PTPRN2: variants seen among roughly 807,000 people sequenced by gnomAD.
PTPRN2 encodes the protein protein tyrosine phosphatase receptor type N2, also known as receptor-type tyrosine-protein phosphatase N2.
In PTPRN2, 74 loss-of-function variants were observed where a neutral mutation model predicts 118.8. That is an observed-to-expected ratio of 0.62 (90% CI 0.52 to 0.76). The LOEUF (loss-of-function observed/expected upper bound fraction) is 0.76. Ranked by LOEUF, PTPRN2 falls within the 30% of genes least tolerant of loss-of-function variation. The pLI, the probability that PTPRN2 is intolerant of heterozygous loss-of-function variation, is 0.00. For synonymous variants in PTPRN2, 641 were observed against 608.0 expected, an observed-to-expected ratio of 1.05 and a Z score of -0.80; for missense variants, 1,481 against 1,394.4, an observed-to-expected ratio of 1.06 and a Z score of -0.99.
chr7:157,597,484 G>GTTTTT (rs572378771), intron 16 of PTPRN2, among the ~76,000 whole-genome samples: 1 of 145,650 alleles, frequency 6.9e-6, no homozygotes, highest in Non-Finnish European at 1.5e-5. Context: ...GTGTGTGTGT[G>GTTTTT]TTTTTTTTTT....
chr7:157,688,303 A>G (rs1797291737), intron 12 of PTPRN2, among the ~76,000 whole-genome samples: 1 of 152,232 alleles, frequency 6.6e-6, no homozygotes, highest in South Asian at 2.1e-4. Context: ...TTTTAAAGAA[A>G]TACTGTGTTT....
intron 3 of PTPRN2, among the ~76,000 whole-genome samples, chr7:158,246,755 G>A (rs1796277772): frequency 6.6e-6 from 1 of 151,966 alleles, no homozygotes; most frequent in Admixed American, 6.6e-5. Context: ...CGACGACAGT[G>A]AATCCAGGGG....
intron 2 of PTPRN2, among the ~76,000 whole-genome samples, chr7:158,435,879 G>T (rs748749699): frequency 3.3e-5 from 5 of 152,192 alleles, no homozygotes; most frequent in Non-Finnish European, 7.4e-5. Flanking sequence ...AGTCCAATGC[G>T]TAGACCCAGA....
At chr7:157,557,278 A>G (rs946540416) in intron 21 of PTPRN2, among the ~76,000 whole-genome samples, 2 of 151,496 alleles carry the variant, frequency 1.3e-5, no homozygotes, top group African/African-American at 2.4e-5. Flanking sequence ...CACATCCTAC[A>G]TCACATGTGC....
intron 3 of PTPRN2, among the ~76,000 whole-genome samples, chr7:158,228,308 C>A (rs578151524): frequency 7.9e-5 from 12 of 152,108 alleles, no homozygotes; most frequent in Non-Finnish European, 1.8e-4. Flanking sequence ...GAAGAGTCAC[C>A]ATTACTGAGA....
chr7:158,015,258 G>C lies in PTPRN2; in HGVS notation c.1723+66040C>G, dbSNP rs755116651. On this transcript the variant is annotated intron_variant, in intron 11 of 22. Transcript: ENST00000389418. This position sits in a 1 kb window ranked among gnomAD's most constrained non-coding sequence, Gnocchi z 4.2. ...CTTTGAATCTAGTGATTTGGTTGTTGATCTTTGAACTTCTCTAAGCCATTA... is the reference window on the plus strand; with the variant it reads ...CTTTGAATCTAGTGATTTGGTTGTTCATCTTTGAACTTCTCTAAGCCATTA... 1.2e-4 allele frequency among the ~76,000 whole-genome samples: 19 copies of C among 152,272 alleles called. No homozygotes were observed. Among genetic ancestry groups the C allele is most frequent in the Non-Finnish European group, 2.5e-4 (17 of 68,034 alleles).
intron 1 of PTPRN2, among the ~76,000 whole-genome samples, chr7:158,573,007 A>AT (rs1483124619): frequency 6.6e-6 from 1 of 152,252 alleles, no homozygotes; most frequent in Non-Finnish European, 1.5e-5. Flanking sequence ...TTGTTAATTC[A>AT]TTTTGAAATG....
chr7:158,337,756 G>C (rs376636622), intron 2 of PTPRN2, among the ~76,000 whole-genome samples: 3 of 113,642 alleles, frequency 2.6e-5, no homozygotes, highest in Non-Finnish European at 1.8e-5. Flanking sequence ...CACCATAAGA[G>C]GTGACACCTG....
At chr7:158,249,112 C>T (rs1406333261) in intron 3 of PTPRN2, among the ~76,000 whole-genome samples, 1 of 151,752 alleles carries the variant, frequency 6.6e-6, no homozygotes, top group Non-Finnish European at 1.5e-5. Flanking sequence ...CACACACACA[C>T]ATGAACATGC....
chr7:158,367,318 G>A (rs1194969502), intron 2 of PTPRN2, among the ~76,000 whole-genome samples: 3 of 152,214 alleles, frequency 2.0e-5, no homozygotes, highest in Non-Finnish European at 4.4e-5. Flanking sequence ...ATGAGCCCCC[G>A]ATTCTCCAAG....
At chr7:157,630,923 G>A (rs1169390261) in intron 14 of PTPRN2, among the ~76,000 whole-genome samples, 2 of 152,148 alleles carry the variant, frequency 1.3e-5, no homozygotes, top group Non-Finnish European at 2.9e-5. Context: ...TTCCCTTACC[G>A]CAGGGAACTG....
At position 158,124,904 on chromosome 7, in the gene PTPRN2, G is replaced by A. The variant is rs192154026; in HGVS notation, c.1556+8773C>T. Among the ~76,000 whole-genome samples, 536 of 152,332 alleles carry A rather than the reference G, an allele frequency of 3.5e-3. 3 individuals are homozygous for A. The highest frequency in any genetic ancestry group is 0.012 in the African/African-American group (500 of 41,584). ...CCTCTTTGGGTTCAACGTGCACGGCGGGTGAGAAAGAAAGAGCCGTGATGC... is the reference window on the plus strand; with the variant it reads ...CCTCTTTGGGTTCAACGTGCACGGCAGGTGAGAAAGAAAGAGCCGTGATGC... On this transcript the variant is annotated intron_variant, in intron 9 of 22. Coordinates refer to ENST00000389418, the MANE Select transcript of PTPRN2 (RefSeq NM_002847.5).
At position 157,794,713 on chromosome 7, in the gene PTPRN2, C is replaced by T. The variant is rs1804754940; in HGVS notation, c.1788+103960G>A. Among the ~76,000 whole-genome samples the T allele has an allele frequency of 6.6e-6, 1 of 152,184 alleles. No individual in the cohort carries two copies. Among genetic ancestry groups the T allele is most frequent in the African/African-American group, 2.4e-5 (1 of 41,432 alleles). ...AAGCAGCTCAAGGAGCCTGAAGACA[C>T]CCAGCCTGAAACCACGATAAATGTG... is the stretch of plus-strand genomic sequence containing the variant. On this transcript the variant is annotated intron_variant, in intron 12 of 22. Transcript: ENST00000389418. The surrounding 1 kb of genome is among the most constrained non-coding windows in gnomAD (Gnocchi z 5.2).
intron 9 of PTPRN2, among the ~76,000 whole-genome samples, chr7:158,124,341 A>G (rs1307491070): frequency 6.6e-6 from 1 of 152,230 alleles, no homozygotes; most frequent in African/African-American, 2.4e-5. Flanking sequence ...TGGTTTACAG[A>G]TGGTTCTGCA....
At chr7:158,319,202 G>C (rs1802597311) in intron 2 of PTPRN2, among the ~76,000 whole-genome samples, 1 of 152,108 alleles carries the variant, frequency 6.6e-6, no homozygotes, top group South Asian at 2.1e-4. Flanking sequence ...TTAGCTACTT[G>C]ACAGTTGAAA....
chr7:157,643,108 T>TA (rs1282733649), intron 14 of PTPRN2, among the ~76,000 whole-genome samples: 2 of 152,198 alleles, frequency 1.3e-5, no homozygotes, highest in Admixed American at 1.3e-4. Flanking sequence ...ACTTTCAACT[T>TA]ACGATGGGTT....
At chr7:157,735,401 G>A (rs952787907) in intron 12 of PTPRN2, among the ~76,000 whole-genome samples, 11 of 152,166 alleles carry the variant, frequency 7.2e-5, no homozygotes, top group Admixed American at 4.6e-4. Flanking sequence ...ATCAGAGAGC[G>A]GCCAGGAGTG....
chr7:157,556,725 CCA>C (rs1798909540), intron 21 of PTPRN2, among the ~76,000 whole-genome samples: 2 of 149,100 alleles, frequency 1.3e-5, no homozygotes, highest in South Asian at 2.1e-4. Context: ...GTGCACATGC[CCA>C]CACTACACTC....
chr7:158,295,349 G>T (rs1563099161), intron 3 of PTPRN2, among the ~76,000 whole-genome samples: 1 of 12,800 alleles, frequency 7.8e-5, no homozygotes, highest in Admixed American at 5.7e-4. Flanking sequence ...ACCACATTGT[G>T]GTTCACCCGC....
Sources: gnomAD v4.1 joint callset for allele counts (sites outside exome capture counted in the v4.1 genomes callset) on GRCh38, gnomAD v4.1.1 for gene constraint, Gnocchi (gnomAD v3.1) non-coding constraint, MANE v1.5 for transcripts, NCBI Gene and HGNC (gene_info 2026-07-23, HGNC 2026-07-21) for gene names.